STK32B: variants seen among roughly 807,000 people sequenced by gnomAD.
STK32B encodes the protein serine/threonine kinase 32B.
Under a neutral mutation model 52.6 loss-of-function variants are expected in STK32B, and 43 were observed. The ratio of observed to expected loss-of-function variants is 0.82; its 90% CI spans 0.64 to 1.05. STK32B has a LOEUF of 1.05. Among genes scored for constraint, STK32B ranks in the 50% least tolerant of loss-of-function variants. STK32B has a pLI of 0.00. For synonymous variants in STK32B, 238 were observed against 204.3 expected, an observed-to-expected ratio of 1.17 and a Z score of -1.41; for missense variants, 621 against 534.6, an observed-to-expected ratio of 1.16 and a Z score of -1.59.
At chr4:5,319,402 G>A (rs554414793) in intron 3 of STK32B, among the ~76,000 whole-genome samples, 1 of 152,310 alleles carries the variant, frequency 6.6e-6, no homozygotes, top group East Asian at 1.9e-4. Flanking sequence ...ATATGTAGCT[G>A]CCAGAGCAGC....
intron 1 of STK32B, among the ~76,000 whole-genome samples, chr4:5,065,599 C>A (rs773327647): frequency 3.3e-5 from 5 of 152,212 alleles, no homozygotes; most frequent in Non-Finnish European, 7.3e-5. Context: ...TTGGCAATGC[C>A]TAGCACGAGG....
chr4:5,173,383 T>A (rs1259837433), intron 3 of STK32B, among the ~76,000 whole-genome samples: 2 of 152,276 alleles, frequency 1.3e-5, no homozygotes, highest in Admixed American at 6.5e-5. Context: ...CTAGTTCTTT[T>A]AATTGTGATG....
intron 3 of STK32B, among the ~76,000 whole-genome samples, chr4:5,168,930 C>T (rs188521244): frequency 1.3e-5 from 2 of 152,208 alleles, no homozygotes; most frequent in African/African-American, 4.8e-5. Flanking sequence ...TCAGAACTTT[C>T]ACTCCAACCC....
intron 2 of STK32B, among the ~76,000 whole-genome samples, chr4:5,148,117 CTT>C (rs1272734759): frequency 1.3e-5 from 2 of 151,718 alleles, no homozygotes; most frequent in Admixed American, 6.6e-5. Flanking sequence ...TCGTATATAA[CTT>C]TTGGTAAGTT....
At chr4:5,163,063 T>A (rs1718570961) in intron 2 of STK32B, among the ~76,000 whole-genome samples, 1 of 152,154 alleles carries the variant, frequency 6.6e-6, no homozygotes, top group South Asian at 2.1e-4. Flanking sequence ...CGAGCATGTA[T>A]GAAATTCAGC....
intron 9 of STK32B, among the ~76,000 whole-genome samples, chr4:5,463,934 G>A (rs1717230120): frequency 6.6e-6 from 1 of 152,346 alleles, no homozygotes; most frequent in Admixed American, 6.5e-5. Flanking sequence ...AATAACTGAG[G>A]TTGGGTAATT....
chr4:5,204,473 G>GTTTTGTTTTGTTTTGTTTTGTTTT (rs1722415487), intron 3 of STK32B, among the ~76,000 whole-genome samples: 5 of 151,350 alleles, frequency 3.3e-5, no homozygotes, highest in African/African-American at 1.2e-4. Flanking sequence ...GTTTTGTTTT[G>GTTTTGTTTTGTTTTGTTTTGTTTT]TTTTGTTTTG....
Position 5,361,555 on chromosome 4 carries a change from G to A in STK32B, c.434+30162G>A, listed in dbSNP as rs146607353. ...CCCAGCTAATTTTTCTATAGAGATG[G>A]GGTCTCACTATGTTGCCCAGGCTGG... On this transcript the variant is annotated intron_variant, in intron 4 of 11. Transcript: ENST00000282908. Among the ~76,000 whole-genome samples the A allele has an allele frequency of 1.0e-3, 159 of 152,212 alleles. 1 individual carries two copies. The highest frequency in any genetic ancestry group is 3.7e-3 in the African/African-American group (152 of 41,534).
chr4:5,040,980 A>G, the STK32B span, among the ~76,000 whole-genome samples: 2 of 152,202 alleles, frequency 1.3e-5, no homozygotes, highest in African/African-American at 4.8e-5. Context: ...TCATGGGGCC[A>G]CTGTTGGGTG....
the STK32B span, among the ~76,000 whole-genome samples, chr4:5,027,462 A>G: frequency 1.3e-5 from 2 of 152,132 alleles, no homozygotes; most frequent in African/African-American, 4.8e-5. Flanking sequence ...GTCCTAGGAG[A>G]AAAACTACAG....
chr4:5,265,359 C>CGA (rs1726992063), intron 3 of STK32B, among the ~76,000 whole-genome samples: 1 of 152,224 alleles, frequency 6.6e-6, no homozygotes, highest in Non-Finnish European at 1.5e-5. Context: ...ACATGGGCTT[C>CGA]TGCAGGTCCA....
At position 5,469,739 on chromosome 4, in the gene STK32B, G is replaced by A. The variant is rs1717710043; in HGVS notation, c.1106+1669G>A. 1.3e-5 allele frequency among the ~76,000 whole-genome samples: 2 copies of A among 152,200 alleles called. No homozygotes were observed. Among genetic ancestry groups the A allele is most frequent in the Admixed American group, 6.5e-5 (1 of 15,286 alleles). On this transcript the variant is annotated intron_variant, in intron 11 of 11. Transcript: ENST00000282908. This position sits in a 1 kb window ranked among gnomAD's most constrained non-coding sequence, Gnocchi z 4.7. Reference sequence around the variant, plus strand: ...TCACCTGCTAGAGGACCACATGTTGGGGTCTCCCAGCTCTGGCCAACAACA... The same window carrying A: ...TCACCTGCTAGAGGACCACATGTTGAGGTCTCCCAGCTCTGGCCAACAACA...
chr4:5,488,858 A>G (rs1243270025), intron 11 of STK32B, among the ~76,000 whole-genome samples: 1 of 152,010 alleles, frequency 6.6e-6, no homozygotes, highest in Non-Finnish European at 1.5e-5. Flanking sequence ...AACCACCTCT[A>G]AATAGCCTCT....
chr4:5,404,363 G>A (rs1045975016), intron 5 of STK32B, among the ~76,000 whole-genome samples: 4 of 151,970 alleles, frequency 2.6e-5, no homozygotes, highest in South Asian at 4.2e-4. Context: ...GCGTGTCGGC[G>A]TCCAAATTTC....
intron 1 of STK32B, among the ~76,000 whole-genome samples, chr4:5,130,368 G>T (rs1277949638): frequency 6.6e-6 from 1 of 151,904 alleles, no homozygotes; most frequent in Non-Finnish European, 1.5e-5. Context: ...GGCGGGAGGG[G>T]TGACTGGGTT....
Position 5,297,442 on chromosome 4 carries a change from A to C in STK32B, c.261-33778A>C, listed in dbSNP as rs62299999. ...TCTGTTGTAGTTTTGGTCTTTTTAC[A>C]TAGTCACATATTTCTTGGTGGCTTT... On this transcript the variant is annotated intron_variant, in intron 3 of 11. Coordinates refer to ENST00000282908, the MANE Select transcript of STK32B (RefSeq NM_018401.3). 5.1e-3 allele frequency among the ~76,000 whole-genome samples: 763 copies of C among 150,192 alleles called. 3 individuals carry two copies. The highest frequency in any genetic ancestry group is 0.01 in the Middle Eastern group (3 of 292).
At chr4:5,259,830 G>C (rs572723514) in intron 3 of STK32B, among the ~76,000 whole-genome samples, 1 of 152,234 alleles carries the variant, frequency 6.6e-6, no homozygotes, top group East Asian at 1.9e-4. Flanking sequence ...GGTATATTTA[G>C]GAGGGTCTCA....
At position 5,193,422 on chromosome 4, in the gene STK32B, G is replaced by A. The variant is rs1406067629; in HGVS notation, c.260+24972G>A. Among the ~76,000 whole-genome samples the A allele has an allele frequency of 2.6e-5, 4 of 152,172 alleles. No homozygotes were observed. In the East Asian group the frequency reaches 7.7e-4, roughly 29 times the overall value. On this transcript the variant is annotated intron_variant, in intron 3 of 11. Coordinates refer to ENST00000282908, the MANE Select transcript of STK32B (RefSeq NM_018401.3). ...GGAGTACTTCCCCCAGGATCCTTAGGCCTTTAGCAGAGGAGTCAGTATTTC... is the reference window on the plus strand; with the variant it reads ...GGAGTACTTCCCCCAGGATCCTTAGACCTTTAGCAGAGGAGTCAGTATTTC...
intron 3 of STK32B, among the ~76,000 whole-genome samples, chr4:5,264,755 C>A (rs534843083): frequency 6.6e-6 from 1 of 151,986 alleles, no homozygotes; most frequent in South Asian, 2.1e-4. Context: ...CCACTGCACT[C>A]CAGCCTGGGC....
Sources: gnomAD v4.1 joint callset for allele counts (sites outside exome capture counted in the v4.1 genomes callset) on GRCh38, gnomAD v4.1.1 for gene constraint, Gnocchi (gnomAD v3.1) non-coding constraint, MANE v1.5 for transcripts, NCBI Gene and HGNC (gene_info 2026-07-23, HGNC 2026-07-21) for gene names.